The following RIMS2 variants were observed in gnomAD, a reference collection of about 807,000 sequenced individuals.
RIMS2 encodes the protein regulating synaptic membrane exocytosis protein 2.
RIMS2 carries 59 observed loss-of-function variants against 174.4 expected under a neutral mutation model. The observed-to-expected ratio is 0.34, with a 90% CI of 0.27 to 0.42. RIMS2 has a LOEUF of 0.42. RIMS2 is among the 10% of genes least tolerant of loss of function. RIMS2 has a pLI of 1.00. For missense variants in RIMS2, 1,620 were observed against 1,666.3 expected, an observed-to-expected ratio of 0.97 and a Z score of 0.48; for synonymous variants, 606 against 572.5, an observed-to-expected ratio of 1.06 and a Z score of -0.84.
chr8:103,625,343 A>G (rs961962090), intron 1 of RIMS2, among the ~76,000 whole-genome samples: 5 of 152,188 alleles, frequency 3.3e-5, no homozygotes, highest in Non-Finnish European at 7.4e-5. Context: ...CCTGCCCACA[A>G]TGAGTTCACA....
intron 19 of RIMS2, among the ~76,000 whole-genome samples, chr8:104,082,817 C>G (rs2097449833): frequency 6.6e-6 from 1 of 150,948 alleles, no homozygotes; most frequent in Admixed American, 6.6e-5. Flanking sequence ...TATTATTTTT[C>G]TATATTTTAT....
At chr8:104,237,910 C>T (rs1239827552) in intron 19 of RIMS2, among the ~76,000 whole-genome samples, 6 of 151,978 alleles carry the variant, frequency 3.9e-5, no homozygotes, top group Non-Finnish European at 7.4e-5. Flanking sequence ...GACAGTGTCC[C>T]CATATTGAGG....
At chr8:103,815,214 ATGT>A (rs1437957437) in intron 3 of RIMS2, among the ~76,000 whole-genome samples, 1 of 152,186 alleles carries the variant, frequency 6.6e-6, no homozygotes, top group African/African-American at 2.4e-5. Flanking sequence ...ATTTCTCAAA[ATGT>A]TGTACCAATG....
intron 3 of RIMS2, among the ~76,000 whole-genome samples, chr8:103,786,086 A>G (rs1292692563): frequency 1.3e-5 from 2 of 152,060 alleles, no homozygotes; most frequent in Non-Finnish European, 2.9e-5. Flanking sequence ...CTCTGATGGT[A>G]GTTTGTATTT....
At chr8:103,550,131 AC>A (rs1847053617) in intron 1 of RIMS2, among the ~76,000 whole-genome samples, 1 of 152,168 alleles carries the variant, frequency 6.6e-6, no homozygotes, top group South Asian at 2.1e-4. Context: ...AGCACTCTCC[AC>A]CCCAAATCAA....
At chr8:104,134,575 A>T (rs2098502776) in intron 19 of RIMS2, among the ~76,000 whole-genome samples, 1 of 152,314 alleles carries the variant, frequency 6.6e-6, no homozygotes, top group South Asian at 2.1e-4. Context: ...TTAATTATTC[A>T]GTCAGAATTG....
At chr8:104,224,481 A>G (rs959928095) in intron 19 of RIMS2, among the ~76,000 whole-genome samples, 1 of 152,242 alleles carries the variant, frequency 6.6e-6, no homozygotes, top group South Asian at 2.1e-4. Flanking sequence ...AACAACTAAC[A>G]CTGAAAATAC....
chr8:103,563,856 G>C (rs1234177418), intron 1 of RIMS2, among the ~76,000 whole-genome samples: 1 of 152,204 alleles, frequency 6.6e-6, no homozygotes, highest in Non-Finnish European at 1.5e-5. Context: ...TACGTGGATG[G>C]TGGCAGGCAA....
chr8:104,059,827 T>C (rs2096945229), intron 19 of RIMS2, among the ~76,000 whole-genome samples: 1 of 152,230 alleles, frequency 6.6e-6, no homozygotes, highest in Admixed American at 6.5e-5. Context: ...ATTGAAATAA[T>C]CATGTGGTTT....
chr8:104,029,370 C>G (rs2096335331), intron 19 of RIMS2, among the ~76,000 whole-genome samples: 1 of 152,156 alleles, frequency 6.6e-6, no homozygotes, highest in African/African-American at 2.4e-5. Context: ...TGCAGTTGCT[C>G]TGGTTCAAAT....
intron 1 of RIMS2, among the ~76,000 whole-genome samples, chr8:103,637,688 A>T (rs901508541): frequency 6.6e-6 from 1 of 152,180 alleles, no homozygotes; most frequent in Non-Finnish European, 1.5e-5. Context: ...AACAATTTAC[A>T]CAATTACAGT....
chr8:103,642,942 G>C (rs972545008), intron 1 of RIMS2, among the ~76,000 whole-genome samples: 1 of 151,732 alleles, frequency 6.6e-6, no homozygotes, highest in African/African-American at 2.4e-5. Flanking sequence ...TGGATTCATG[G>C]TTTGGTGTTT....
intron 19 of RIMS2, among the ~76,000 whole-genome samples, chr8:104,206,131 C>T (rs1333215761): frequency 1.3e-5 from 2 of 152,136 alleles, no homozygotes; most frequent in Non-Finnish European, 2.9e-5. Context: ...ACCATAATAA[C>T]ATAAAATTTT....
At chr8:103,569,615 G>A (rs2092657529) in intron 1 of RIMS2, among the ~76,000 whole-genome samples, 1 of 150,460 alleles carries the variant, frequency 6.6e-6, no homozygotes. Context: ...TTTTCTTTTT[G>A]ATTTTTTTTT....
Position 103,948,962 on chromosome 8 carries a change from CA to C in RIMS2, c.2701+6048del, listed in dbSNP as rs35186477. On this transcript the variant is annotated intron_variant, in intron 14 of 23. Coordinates refer to ENST00000504942, the Ensembl canonical transcript of RIMS2. ...ACAACATAATGAGACCCCATTTTTACAAAAAAAAAAAATAATTAGCCGGGTT... is the reference window on the plus strand; with the variant it reads ...ACAACATAATGAGACCCCATTTTTACAAAAAAAAAAATAATTAGCCGGGTT... 5.0e-3 allele frequency among the ~76,000 whole-genome samples: 701 copies of C among 139,942 alleles called. 3 individuals are homozygous for C. The highest frequency in any genetic ancestry group is 0.013 in the African/African-American group (504 of 38,472). The allele number at this position is 139,942 out of a possible 152,430, so 91.8% of individuals were successfully genotyped here.
In RIMS2 at chr8:104,149,074, A is replaced by C. The variant is rs577899672; in HGVS notation, c.3335-95842A>C. ...CTTGGCCAGTGTTCTTAAAATGTAG[A>C]TAATGTCTTTCCTCCTCAGGGAGGA... On this transcript the variant is annotated intron_variant, in intron 19 of 23. Transcript: ENST00000504942. 3.7e-3 allele frequency among the ~76,000 whole-genome samples: 559 copies of C among 152,258 alleles called. 4 individuals are homozygous for C. The highest frequency in any genetic ancestry group is 0.012 in the South Asian group (56 of 4,826).
chr8:103,638,157 A>C (rs2096133804), intron 1 of RIMS2, among the ~76,000 whole-genome samples: 2 of 152,098 alleles, frequency 1.3e-5, no homozygotes, highest in Admixed American at 1.3e-4. Flanking sequence ...ATTGGTTGCA[A>C]GTGGGTCACT....
chr8:103,859,440 T>G (rs2099047044), intron 3 of RIMS2, among the ~76,000 whole-genome samples: 1 of 152,118 alleles, frequency 6.6e-6, no homozygotes, highest in South Asian at 2.1e-4. Context: ...GAATTTTTTG[T>G]GGCAATTAGA....
rs567366100 is a variant in RIMS2, at chr8:103,623,446, ACAGACATAAAAATTAAAC to A, written c.177-73639_177-73622del. On this transcript the variant is annotated intron_variant, in intron 1 of 23. Coordinates refer to ENST00000504942, the Ensembl canonical transcript of RIMS2. Reference sequence around the variant, plus strand: ...ATAAATGTTGAATCATTTCCTTGGTACAGACATAAAAATTAAACTAGGGTTTCTTCAGTTTTTTTTTTT... The same window carrying A: ...ATAAATGTTGAATCATTTCCTTGGTATAGGGTTTCTTCAGTTTTTTTTTTT... Among the ~76,000 whole-genome samples, 612 of 150,972 alleles carry A rather than the reference ACAGACATAAAAATTAAAC, an allele frequency of 4.1e-3. 4 individuals carry two copies. Among genetic ancestry groups the A allele is most frequent in the African/African-American group, 0.014 (582 of 41,224 alleles).
Sources: allele counts gnomAD v4.1 joint callset (sites outside exome capture counted in the v4.1 genomes callset), GRCh38; gene constraint gnomAD v4.1.1; transcripts MANE v1.5; gene names NCBI Gene and HGNC (gene_info 2026-07-23, HGNC 2026-07-21).